KIAA1328: variants seen among roughly 807,000 people sequenced by gnomAD.
KIAA1328 encodes protein hinderin.
A neutral mutation model predicts 68.1 loss-of-function variants in KIAA1328; 52 were observed. The observed-to-expected ratio is 0.76, with a 90% CI of 0.61 to 0.96. The LOEUF (loss-of-function observed/expected upper bound fraction) is 0.96, where lower values mean the gene tolerates loss of function less well. Ranked by LOEUF, KIAA1328 falls within the 40% of genes least tolerant of loss-of-function variation. The pLI is 0.00. For synonymous variants in KIAA1328, 232 were observed against 239.4 expected (o/e 0.97, Z 0.28); for missense variants, 641 against 677.6 (o/e 0.95, Z 0.60).
intron 6 of KIAA1328, among the ~76,000 whole-genome samples, chr18:36,990,757 C>T (rs1251474880): frequency 1.3e-5 from 2 of 151,800 alleles, no homozygotes; most frequent in African/African-American, 4.8e-5. Flanking sequence ...GTACATGTAA[C>T]TTTGAACATG....
At chr18:37,103,409 C>T (rs558249918) in intron 7 of KIAA1328, among the ~76,000 whole-genome samples, 8 of 152,092 alleles carry the variant, frequency 5.3e-5, no homozygotes, top group Admixed American at 3.9e-4. Context: ...TGGGGAAAGA[C>T]AGTCTTTTCA....
intron 4 of KIAA1328, among the ~76,000 whole-genome samples, chr18:36,870,963 A>T (rs1235132479): frequency 6.6e-6 from 1 of 152,160 alleles, no homozygotes; most frequent in Non-Finnish European, 1.5e-5. Flanking sequence ...GGCCTCCACC[A>T]AGCTGAAATC....
chr18:36,951,470 G>A (rs1006235508), intron 5 of KIAA1328, among the ~76,000 whole-genome samples: 2 of 152,130 alleles, frequency 1.3e-5, no homozygotes, highest in African/African-American at 4.8e-5. Flanking sequence ...ATGAATGAGT[G>A]AATTAATGAA....
intron 5 of KIAA1328, among the ~76,000 whole-genome samples, chr18:36,953,888 A>G (rs2051279097): frequency 6.6e-6 from 1 of 152,028 alleles, no homozygotes; most frequent in African/African-American, 2.4e-5. Flanking sequence ...CTTAATCTAA[A>G]ATAGGCCTCC....
chr18:36,990,901 A>T (rs1030185320), intron 6 of KIAA1328, among the ~76,000 whole-genome samples: 2 of 152,158 alleles, frequency 1.3e-5, no homozygotes, highest in African/African-American at 4.8e-5. Flanking sequence ...TTTATAACAT[A>T]TTAGTAATGA....
chr18:36,897,442 A>T (rs1431622492), intron 5 of KIAA1328, among the ~76,000 whole-genome samples: 1 of 152,086 alleles, frequency 6.6e-6, no homozygotes, highest in African/African-American at 2.4e-5. Flanking sequence ...ACTTTGTTTC[A>T]CACAAAAACT....
intron 7 of KIAA1328, among the ~76,000 whole-genome samples, chr18:37,098,597 T>C (rs1343561380): frequency 6.6e-6 from 1 of 152,158 alleles, no homozygotes; most frequent in African/African-American, 2.4e-5. Flanking sequence ...ATAAAATGAG[T>C]TAGGTAGGAT....
At position 37,224,046 on chromosome 18, in the gene KIAA1328, A is replaced by G; in HGVS notation, c.*1819A>G. On this transcript the variant is annotated 3_prime_UTR_variant, in exon 10 of 10. Coordinates refer to ENST00000280020, the MANE Select transcript of KIAA1328 (RefSeq NM_020776.3). ...TTTGGAGTGTGGAGCTTTCTGTGGT[A>G]TGGCAGAAATGGGTGGATGGCAAAC... 1 of 985,386 alleles carries G rather than the reference A, an allele frequency of 1.0e-6. No homozygotes were observed. Among genetic ancestry groups the G allele is most frequent in the Non-Finnish European group, 1.2e-6 (1 of 829,928 alleles). 61.0% of individuals were successfully genotyped at this position (985,386 alleles called of 1,614,324 possible).
chr18:36,975,010 C>A (rs1296601489), intron 6 of KIAA1328, among the ~76,000 whole-genome samples: 1 of 152,038 alleles, frequency 6.6e-6, no homozygotes. Flanking sequence ...ATTAGTAGTA[C>A]TGGATTTTGC....
rs2046636459 is a variant in KIAA1328, at chr18:36,835,313, G to A, written c.174G>A (p.Arg58=). Reference sequence around the variant, plus strand: ...CTGATGTTAAACTTAAGACTTCCAGGGTGACTGATGCTTCAATCTCCATGG... The same window carrying A: ...CTGATGTTAAACTTAAGACTTCCAGAGTGACTGATGCTTCAATCTCCATGG... ...PKADVKLKTS[R]VTDASISMES... The change falls in exon 3 of 10, where the codon AGG becomes AGA. Residue 58 remains arginine (R), a synonymous_variant. Coordinates refer to ENST00000280020, the MANE Select transcript of KIAA1328 (RefSeq NM_020776.3). The A allele has an allele frequency of 6.2e-7, 1 of 1,613,728 alleles. No homozygotes were observed. The highest frequency in any genetic ancestry group is 1.7e-5 in the Admixed American group (1 of 60,024).
At chr18:36,895,682 G>A (rs541531425) in intron 5 of KIAA1328, 1 of 450,202 alleles carries the variant, frequency 2.2e-6, no homozygotes, top group African/African-American at 2.0e-5. Flanking sequence ...TTAAGAATTT[G>A]CGATGGACTG....
chr18:36,865,610 T>C lies in KIAA1328; in HGVS notation c.333-19947T>C, dbSNP rs116992205. Among the ~76,000 whole-genome samples, 87 of 152,312 alleles carry C rather than the reference T, an allele frequency of 5.7e-4. 1 individual carries two copies. Among genetic ancestry groups the C allele is most frequent in the Non-Finnish European group, 1.0e-3 (71 of 68,026 alleles). On this transcript the variant is annotated intron_variant, in intron 4 of 9. Coordinates refer to ENST00000280020, the MANE Select transcript of KIAA1328 (RefSeq NM_020776.3). ...AGTAATCCTGTATGTAACTAATCTT[T>C]TTATCTGTGTTGCTACTCCCTCTGC...
intron 6 of KIAA1328, among the ~76,000 whole-genome samples, chr18:37,010,468 A>C (rs1165167894): frequency 1.5e-5 from 2 of 132,616 alleles, no homozygotes; most frequent in African/African-American, 2.6e-5. Flanking sequence ...AAAAAAAAAA[A>C]AAGATATCCT....
intron 6 of KIAA1328, among the ~76,000 whole-genome samples, chr18:36,999,802 A>G (rs1436611203): frequency 6.6e-6 from 1 of 152,296 alleles, no homozygotes; most frequent in East Asian, 1.9e-4. Context: ...AACATTTATC[A>G]AATATTTACC....
intron 4 of KIAA1328, among the ~76,000 whole-genome samples, chr18:36,849,764 G>A (rs2047151737): frequency 1.3e-5 from 2 of 151,988 alleles, no homozygotes; most frequent in South Asian, 2.1e-4. Context: ...GTAATTCCAC[G>A]TTGAACTTTT....
At chr18:37,122,826 A>G (rs1318867460) in intron 7 of KIAA1328, among the ~76,000 whole-genome samples, 2 of 152,146 alleles carry the variant, frequency 1.3e-5, no homozygotes, top group African/African-American at 4.8e-5. Flanking sequence ...GAAGAGCTTG[A>G]GAAGTGAAGG....
chr18:36,839,903 G>A (rs911267851), intron 3 of KIAA1328, among the ~76,000 whole-genome samples: 4 of 152,046 alleles, frequency 2.6e-5, no homozygotes, highest in South Asian at 2.1e-4. Flanking sequence ...GTTCATTTTG[G>A]GCTCTTTCCC....
intron 4 of KIAA1328, among the ~76,000 whole-genome samples, chr18:36,876,116 C>T (rs773562913): frequency 2.6e-5 from 4 of 151,854 alleles, no homozygotes; most frequent in Admixed American, 6.6e-5. Context: ...GGGATATTGG[C>T]GTGAAATTTT....
intron 6 of KIAA1328, among the ~76,000 whole-genome samples, chr18:37,065,832 A>G (rs538945105): frequency 2.0e-5 from 3 of 152,346 alleles, no homozygotes; most frequent in African/African-American, 7.2e-5. Flanking sequence ...TAGATACACC[A>G]TGTTTCTGAA....
Sources: allele counts gnomAD v4.1 joint callset (sites outside exome capture counted in the v4.1 genomes callset), GRCh38; gene constraint gnomAD v4.1.1; transcripts MANE v1.5; gene names NCBI Gene and HGNC (gene_info 2026-07-23, HGNC 2026-07-21).